The following CAMK2D variants were observed in gnomAD, a reference collection of about 807,000 sequenced individuals.
CAMK2D encodes calcium/calmodulin dependent protein kinase II delta.
Under a neutral mutation model 84.0 loss-of-function variants are expected in CAMK2D, and 37 were observed. The ratio of observed to expected loss-of-function variants is 0.44; its 90% CI spans 0.34 to 0.58. The LOEUF is 0.58. Ranked by LOEUF, CAMK2D falls within the 20% of genes least tolerant of loss-of-function variation. The probability of loss-of-function intolerance (pLI) is 0.02; values close to 1 mark genes in which losing one functional copy is unlikely to be tolerated. For missense variants in CAMK2D, 448 were observed against 652.5 expected (o/e 0.69, Z 3.41); for synonymous variants, 202 against 212.5 (o/e 0.95, Z 0.43).
rs755850795 is a variant in CAMK2D, at chr4:113,601,683, C to CTTTTTTT, written c.275+7462_275+7468dup. Among the ~76,000 whole-genome samples the CTTTTTTT allele has an allele frequency of 5.9e-4, 27 of 45,840 alleles. 1 individual carries two copies. Among genetic ancestry groups the CTTTTTTT allele is most frequent in the South Asian group, 2.3e-3 (2 of 862 alleles). 30.1% of individuals were successfully genotyped at this position (45,840 alleles called of 152,430 possible). ...ATTTTATGTAGATTAACTGTTTATT[C>CTTTTTTT]TTTTTTTTTTTTTTTTTTTTTTTTT... On this transcript the variant is annotated intron_variant, in intron 4 of 20. Transcript: ENST00000511664.
intron 16 of CAMK2D, among the ~76,000 whole-genome samples, chr4:113,479,760 A>G (rs1275938432): frequency 6.6e-6 from 1 of 152,226 alleles, no homozygotes; most frequent in East Asian, 1.9e-4. Context: ...TTCAGAAAAT[A>G]GAAACGATGT....
At chr4:113,760,916 C>A in intron 1 of CAMK2D, 88 bp downstream of exon 1, 1 of 1,551,364 alleles carries the variant, frequency 6.4e-7, no homozygotes, top group Non-Finnish European at 8.9e-7. Flanking sequence ...AACTCCCTCG[C>A]CCCAAGACGG....
At chr4:113,724,186 G>C (rs2099539339) in intron 2 of CAMK2D, among the ~76,000 whole-genome samples, 1 of 151,822 alleles carries the variant, frequency 6.6e-6, no homozygotes, top group Admixed American at 6.6e-5. Context: ...CGTATGTTTT[G>C]GATTACTTTA....
chr4:113,517,765 C>A, intron 8 of CAMK2D, 108 bp from the exon 9 acceptor site: 1 of 600,310 alleles, frequency 1.7e-6, no homozygotes, highest in East Asian at 2.6e-5. Flanking sequence ...ACAGAGAAAA[C>A]TGGATTGTAG....
At chr4:113,566,027 CTG>C (rs2098722186) in intron 4 of CAMK2D, among the ~76,000 whole-genome samples, 1 of 152,072 alleles carries the variant, frequency 6.6e-6, no homozygotes, top group African/African-American at 2.4e-5. Flanking sequence ...ATTATTTATT[CTG>C]TGAAGTTATT....
rs1157396785 is a variant in CAMK2D, at chr4:113,457,476, T to C, written c.1394A>G (p.Tyr465Cys). Residue 465 changes from tyrosine (Y) to cysteine (C), a missense_variant, in exon 19 of 21, where the codon TAT becomes TGT. Physicochemically the swap from Tyr to Cys is radical, Grantham distance 194. Coordinates refer to ENST00000511664, the MANE Select transcript of CAMK2D (RefSeq NM_001321571.2). ...ATCCATGTACTGTGTGAGCCTAATA[T>C]ATGCTATGCAGGCGGCATCATCCCC... is the stretch of plus-strand genomic sequence containing the variant. ...LVGDDAACIA[Y>C]IRLTQYMDGS... is the part of the protein sequence containing the mutation. 1 of 1,613,818 alleles carries C rather than the reference T, an allele frequency of 6.2e-7. No individual in the cohort carries two copies. Among genetic ancestry groups the C allele is most frequent in the Non-Finnish European group, 8.5e-7 (1 of 1,179,720 alleles).
At chr4:113,745,440 CCCCATAATTA>C (rs2099602127) in intron 2 of CAMK2D, among the ~76,000 whole-genome samples, 1 of 152,118 alleles carries the variant, frequency 6.6e-6, no homozygotes, top group Non-Finnish European at 1.5e-5. Flanking sequence ...TATATATCTT[CCCCATAATTA>C]TCTATGTATG....
intron 3 of CAMK2D, among the ~76,000 whole-genome samples, chr4:113,621,532 A>C (rs1336877710): frequency 1.3e-5 from 2 of 152,210 alleles, no homozygotes; most frequent in African/African-American, 4.8e-5. Context: ...TCTTGACTAG[A>C]GTCTTCATTC....
At chr4:113,558,395 G>A (rs2098680068) in intron 4 of CAMK2D, among the ~76,000 whole-genome samples, 1 of 152,036 alleles carries the variant, frequency 6.6e-6, no homozygotes, top group Non-Finnish European at 1.5e-5. Flanking sequence ...GATATTTTTA[G>A]TAATTTGCTA....
intron 6 of CAMK2D, among the ~76,000 whole-genome samples, chr4:113,543,892 T>G (rs184055218): frequency 2.0e-5 from 3 of 151,870 alleles, no homozygotes; most frequent in South Asian, 2.1e-4. Context: ...CCTGGGTTCA[T>G]GCCATTCTCC....
intron 2 of CAMK2D, among the ~76,000 whole-genome samples, chr4:113,734,053 A>G (rs1006667247): frequency 1.3e-5 from 2 of 152,190 alleles, no homozygotes; most frequent in African/African-American, 2.4e-5. Flanking sequence ...TCTGTAATAG[A>G]ATAAAAGAAC....
intron 2 of CAMK2D, among the ~76,000 whole-genome samples, chr4:113,692,899 T>C (rs1461215014): frequency 6.6e-6 from 1 of 152,138 alleles, no homozygotes; most frequent in Non-Finnish European, 1.5e-5. Context: ...TTAAAACAAA[T>C]CTTTTCAAGT....
intron 12 of CAMK2D, among the ~76,000 whole-genome samples, chr4:113,511,155 C>T (rs1188748770): frequency 2.6e-5 from 4 of 152,010 alleles, no homozygotes; most frequent in Non-Finnish European, 5.9e-5. Context: ...ATAAAAACAA[C>T]AACTTTATAA....
intron 3 of CAMK2D, among the ~76,000 whole-genome samples, chr4:113,652,576 G>A (rs541584412): frequency 6.6e-6 from 1 of 152,162 alleles, no homozygotes; most frequent in Non-Finnish European, 1.5e-5. Context: ...AGAAAAGGGA[G>A]TGGAGGTGGG....
chr4:113,624,627 T>C (rs1330004182), intron 3 of CAMK2D, among the ~76,000 whole-genome samples: 2 of 152,206 alleles, frequency 1.3e-5, no homozygotes, highest in Admixed American at 1.3e-4. Context: ...AACTGTAGTC[T>C]GCAAAATCTG....
chr4:113,614,739 G>A (rs548506447), intron 3 of CAMK2D, among the ~76,000 whole-genome samples: 1 of 152,082 alleles, frequency 6.6e-6, no homozygotes, highest in African/African-American at 2.4e-5. Context: ...TCTGGGATGG[G>A]GATTGTTACC....
chr4:113,724,679 T>C (rs11937090), intron 2 of CAMK2D, among the ~76,000 whole-genome samples: 29,949 of 151,866 alleles, frequency 0.2, 5,771 homozygotes, highest in African/African-American at 0.5. Context: ...TACTTTTGAT[T>C]TTTTCCTATT....
Position 113,515,187 on chromosome 4 carries a change from G to A in CAMK2D, c.701C>T (p.Pro234Leu). 1 of 1,583,560 alleles carries A rather than the reference G, an allele frequency of 6.3e-7. No homozygotes were observed. Among genetic ancestry groups the A allele is most frequent in the Non-Finnish European group, 8.6e-7 (1 of 1,167,508 alleles). Residue 234 changes from proline (P) to leucine (L), a missense_variant, in exon 10 of 21, where the codon CCA becomes CTA. Physicochemically the swap from Pro to Leu is moderately conservative, Grantham distance 98 (BLOSUM62 -3). Coordinates refer to ENST00000511664, the MANE Select transcript of CAMK2D (RefSeq NM_001321571.2). ...QQIKAGAYDFPSPEWDTVTPE... is the reference protein window; with the variant it reads ...QQIKAGAYDFLSPEWDTVTPE... ...AGTCACCGTGTCCCATTCTGGTGAT[G>A]GAAACTTCAAAAATATAAATTTATA...
rs954440847 is a variant in CAMK2D at position 113,761,549 on chromosome 4, G to C, written c.-481C>G. 3.4e-5 allele frequency: 34 copies of C among 996,722 alleles called. No individual in the cohort carries two copies. Among genetic ancestry groups the C allele is most frequent in the Non-Finnish European group, 3.8e-5 (32 of 836,948 alleles). 61.7% of individuals were successfully genotyped at this position (996,722 alleles called of 1,614,324 possible). ...GGGCCGAGGCCGCGGAGCCCAGAGC[G>C]GACAGCCTGAGCCCAGCGGCCGCTG... On this transcript the variant is annotated 5_prime_UTR_variant, in exon 1 of 21. Transcript: ENST00000511664.
Sources: gnomAD v4.1 joint callset for allele counts (sites outside exome capture counted in the v4.1 genomes callset) on GRCh38, gnomAD v4.1.1 for gene constraint, MANE v1.5 for transcripts, NCBI Gene and HGNC (gene_info 2026-07-23, HGNC 2026-07-21) for gene names.